Variants in C20orf203 observed in about 807,000 individuals in gnomAD.
The protein encoded by C20orf203 is chromosome 20 open reading frame 203.
Under a neutral mutation model 15.9 loss-of-function variants are expected in C20orf203, and 16 were observed. The observed-to-expected ratio is 1.01, with a 90% CI of 0.68 to 1.53. The LOEUF (loss-of-function observed/expected upper bound fraction) is 1.53. Ranked by LOEUF, C20orf203 falls within the 40% of genes most tolerant of loss-of-function variation. C20orf203 has a pLI of 0.00. For synonymous variants in C20orf203, 98 were observed against 97.2 expected (o/e 1.01, Z -0.05); for missense variants, 263 against 247.5 (o/e 1.06, Z -0.42).
At chr20:32,662,997 G>A (rs1368295447) in intron 1 of C20orf203, among the ~76,000 whole-genome samples, 1 of 148,468 alleles carries the variant, frequency 6.7e-6, no homozygotes, top group Non-Finnish European at 1.5e-5. Context: ...CACTCAGGCT[G>A]GAGTACAGCG....
At chr20:32,658,863 G>A (rs1382012192) in intron 1 of C20orf203, among the ~76,000 whole-genome samples, 2 of 151,002 alleles carry the variant, frequency 1.3e-5, no homozygotes, top group Non-Finnish European at 3.0e-5. Flanking sequence ...GCTTCCCAGA[G>A]ACTCAGACCC....
At chr20:32,639,514 G>C (rs1982223375) in intron 5 of C20orf203, among the ~76,000 whole-genome samples, 2 of 152,058 alleles carry the variant, frequency 1.3e-5, no homozygotes, top group Non-Finnish European at 2.9e-5. Context: ...GGTGGTGTTG[G>C]CCTGTAGTCC....
chr20:32,635,794 G>A (rs900810846), intron 5 of C20orf203, among the ~76,000 whole-genome samples: 121 of 152,170 alleles, frequency 8.0e-4, no homozygotes, highest in South Asian at 4.1e-4. Flanking sequence ...TTTTGTAATG[G>A]TGGGCCAGTC....
intron 1 of C20orf203, among the ~76,000 whole-genome samples, chr20:32,666,801 A>AT (rs1983043595): frequency 2.1e-5 from 2 of 94,302 alleles, no homozygotes; most frequent in African/African-American, 9.2e-5. Flanking sequence ...TTTAATTTAT[A>AT]TATATATATA....
In C20orf203 at chr20:32,666,797, T is replaced by TTTTATATATA. The variant is rs367964394; in HGVS notation, c.-264+6834_-264+6835insTATATATAAA. ...AAAAAAAGATGAAATTAATTTTAAT[T>TTTTATATATA]TATATATATATATATATATATATAT... On this transcript the variant is annotated intron_variant, in intron 1 of 5. Coordinates refer to ENST00000608990, the MANE Select transcript of C20orf203 (RefSeq NM_182584.4). Among the ~76,000 whole-genome samples the TTTTATATATA allele has an allele frequency of 8.7e-4, 57 of 65,562 alleles. 8 individuals are homozygous for TTTTATATATA. Among genetic ancestry groups the TTTTATATATA allele is most frequent in the South Asian group, 7.7e-3 (11 of 1,426 alleles). The allele number at this position is 65,562 out of a possible 152,430, so 43.0% of individuals were successfully genotyped here. A position where few individuals can be genotyped will look rare whatever the true frequency, so the allele number is the denominator to read the frequency against.
At chr20:32,653,884 G>A (rs758082491) in intron 1 of C20orf203, among the ~76,000 whole-genome samples, 1 of 152,116 alleles carries the variant, frequency 6.6e-6, no homozygotes, top group Non-Finnish European at 1.5e-5. Flanking sequence ...CCTAAGGTCA[G>A]GAGTTTAAGA....
At position 32,650,691 on chromosome 20, in the gene C20orf203, C is replaced by T. The variant is rs994661920; in HGVS notation, c.326G>A (p.Gly109Asp). 16 of 1,548,646 alleles carry T rather than the reference C, an allele frequency of 1.0e-5. No individual in the cohort carries two copies. Among genetic ancestry groups the T allele is most frequent in the Non-Finnish European group, 1.3e-5 (15 of 1,146,058 alleles). Reference protein sequence around the residue: ...VGGEGWGEVGGLRLSKVGRRD... With the variant: ...VGGEGWGEVGDLRLSKVGRRD... ...CCGACCCACCTTGCTGAGCCTGAGG[C>T]CTCCAACTTCCCCCCACCCCTCCCC... The change falls in exon 4 of 6, where the codon GGC (glycine) becomes GAC (aspartate). Residue 109 changes from glycine (G) to aspartate (D), a missense_variant. Transcript: ENST00000608990.
chr20:32,650,313 A>C lies in C20orf203; in HGVS notation c.*119T>G. 1 of 741,744 alleles carries C rather than the reference A, an allele frequency of 1.3e-6. No individual in the cohort carries two copies. Among genetic ancestry groups the C allele is most frequent in the Non-Finnish European group, 2.2e-6 (1 of 449,244 alleles). 45.9% of individuals were successfully genotyped at this position (741,744 alleles called of 1,614,324 possible). On this transcript the variant is annotated 3_prime_UTR_variant, in exon 4 of 6. Transcript: ENST00000608990. ...GGTTTCAGCTGGGCGTGCCGGGCCC[A>C]TCCCCCACTCTGGGGAGCAGAATGA...
intron 1 of C20orf203, among the ~76,000 whole-genome samples, chr20:32,660,670 A>G (rs1029967703): frequency 6.6e-6 from 1 of 152,190 alleles, no homozygotes; most frequent in South Asian, 2.1e-4. Flanking sequence ...GCCAGTTTCC[A>G]CCAAGAACGT....
At chr20:32,655,462 C>T (rs1249489750) in intron 1 of C20orf203, among the ~76,000 whole-genome samples, 1 of 151,804 alleles carries the variant, frequency 6.6e-6, no homozygotes, top group Admixed American at 6.6e-5. Context: ...TATAAAGAAC[C>T]CTTACAACTC....
At chr20:32,667,214 G>A (rs150956100) in intron 1 of C20orf203, among the ~76,000 whole-genome samples, 2,310 of 152,224 alleles carry the variant, frequency 0.015, 155 homozygotes, top group Admixed American at 0.11. Flanking sequence ...GGTCACCTGG[G>A]ATTTTATTCC....
At chr20:32,645,464 CT>C (rs890475646) in intron 4 of C20orf203, among the ~76,000 whole-genome samples, 1 of 152,218 alleles carries the variant, frequency 6.6e-6, no homozygotes, top group African/African-American at 2.4e-5. Context: ...CCCTGCCCCC[CT>C]GGGGGGATAT....
chr20:32,666,155 T>TAAAAAAAAAAA (rs147487671), intron 1 of C20orf203, among the ~76,000 whole-genome samples: 1 of 102,776 alleles, frequency 9.7e-6, no homozygotes, highest in Admixed American at 1.1e-4. Flanking sequence ...ATAAATAAAG[T>TAAAAAAAAAAA]AAAAAAAAAA....
chr20:32,673,300 T>C (rs1357514603), intron 1 of C20orf203, among the ~76,000 whole-genome samples: 3 of 152,134 alleles, frequency 2.0e-5, no homozygotes, highest in Non-Finnish European at 2.9e-5. Flanking sequence ...AGCAGCCTCC[T>C]CCTGCTCCCC....
intron 1 of C20orf203, among the ~76,000 whole-genome samples, chr20:32,654,699 C>A (rs1471659346): frequency 6.6e-6 from 1 of 152,054 alleles, no homozygotes; most frequent in Admixed American, 6.6e-5. Context: ...AAAAATTTAG[C>A]TGGGTGTGGT....
Position 32,666,797 on chromosome 20 carries a change from T to TTTTATATA in C20orf203, c.-264+6834_-264+6835insTATATAAA, listed in dbSNP as rs367964394. ...AAAAAAAGATGAAATTAATTTTAAT[T>TTTTATATA]TATATATATATATATATATATATAT... On this transcript the variant is annotated intron_variant, in intron 1 of 5. Transcript: ENST00000608990. 1.8e-3 allele frequency among the ~76,000 whole-genome samples: 119 copies of TTTTATATA among 65,610 alleles called. 19 individuals are homozygous for TTTTATATA. The highest frequency in any genetic ancestry group is 3.5e-3 in the South Asian group (5 of 1,426). 43.0% of individuals were successfully genotyped at this position (65,610 alleles called of 152,430 possible).
chr20:32,652,270 AGTG>A (rs1982649268), intron 1 of C20orf203, among the ~76,000 whole-genome samples: 1 of 134,476 alleles, frequency 7.4e-6, no homozygotes, highest in African/African-American at 2.8e-5. Flanking sequence ...AGATCGTGCC[AGTG>A]AGCTGAGATC....
intron 5 of C20orf203, among the ~76,000 whole-genome samples, chr20:32,637,682 T>C (rs1982174362): frequency 6.6e-6 from 1 of 152,226 alleles, no homozygotes; most frequent in Non-Finnish European, 1.5e-5. Flanking sequence ...CAGGGGTTTT[T>C]ATCTGTTTTG....
intron 1 of C20orf203, among the ~76,000 whole-genome samples, chr20:32,658,833 A>G (rs139629036): frequency 6.6e-6 from 1 of 151,266 alleles, no homozygotes; most frequent in Non-Finnish European, 1.5e-5. Context: ...GGGCTGATTC[A>G]AGGCCTAGAC....
Sources: gnomAD v4.1 joint callset for allele counts (sites outside exome capture counted in the v4.1 genomes callset) on GRCh38, gnomAD v4.1.1 for gene constraint, MANE v1.5 for transcripts, NCBI Gene and HGNC (gene_info 2026-07-23, HGNC 2026-07-21) for gene names.